EPHA6: variants seen among roughly 807,000 people sequenced by gnomAD.
EPHA6 encodes ephrin type-A receptor 6.
In EPHA6, 50 loss-of-function variants were observed where a neutral mutation model predicts 112.0. The observed-to-expected ratio is 0.45, with a 90% CI of 0.36 to 0.56. The LOEUF is 0.56. Among genes scored for constraint, EPHA6 ranks in the 20% least tolerant of loss-of-function variants. The pLI, the probability that EPHA6 is intolerant of heterozygous loss-of-function variation, is 0.00. For missense variants in EPHA6, 1,280 were observed against 1,417.4 expected (o/e 0.90, Z 1.56); for synonymous variants, 529 against 490.7 (o/e 1.08, Z -1.03).
At chr3:97,292,771 G>A (rs1035017914) in intron 5 of EPHA6, among the ~76,000 whole-genome samples, 1 of 151,888 alleles carries the variant, frequency 6.6e-6, no homozygotes, top group African/African-American at 2.4e-5. Flanking sequence ...CAGTGGAGAG[G>A]AGACCCGTGG....
chr3:97,000,895 C>CA (rs941990212), intron 3 of EPHA6, among the ~76,000 whole-genome samples: 1 of 150,916 alleles, frequency 6.6e-6, no homozygotes, highest in African/African-American at 2.4e-5. Context: ...CTACAAAAGG[C>CA]AAGACATTTC....
chr3:97,132,922 C>G (rs529774765), intron 3 of EPHA6, among the ~76,000 whole-genome samples: 1 of 152,066 alleles, frequency 6.6e-6, no homozygotes, highest in Non-Finnish European at 1.5e-5. Flanking sequence ...ACAGTATTTG[C>G]CTTTGAGGAT....
intron 5 of EPHA6, among the ~76,000 whole-genome samples, chr3:97,393,883 T>C (rs1388856563): frequency 6.6e-6 from 1 of 151,822 alleles, no homozygotes; most frequent in Non-Finnish European, 1.5e-5. Context: ...GGTTCATGCA[T>C]GTTGTCACAA....
chr3:97,440,966 A>G (rs2090107123), intron 6 of EPHA6, among the ~76,000 whole-genome samples: 1 of 152,008 alleles, frequency 6.6e-6, no homozygotes, highest in Admixed American at 6.6e-5. Flanking sequence ...TAAGGAGAAG[A>G]TTTGAATATA....
intron 5 of EPHA6, among the ~76,000 whole-genome samples, chr3:97,278,780 G>T (rs2080186350): frequency 6.6e-6 from 1 of 151,870 alleles, no homozygotes; most frequent in Admixed American, 6.6e-5. Flanking sequence ...GTTTCTCTAG[G>T]CACCTGATTT....
intron 2 of EPHA6, among the ~76,000 whole-genome samples, chr3:96,869,917 G>A (rs1043227185): frequency 3.3e-5 from 5 of 151,906 alleles, no homozygotes; most frequent in Non-Finnish European, 2.9e-5. Context: ...CTGAATATTG[G>A]TTTTGAATAT....
chr3:97,586,293 A>G (rs2093487025), intron 11 of EPHA6, among the ~76,000 whole-genome samples: 1 of 152,154 alleles, frequency 6.6e-6, no homozygotes, highest in African/African-American at 2.4e-5. Context: ...TCTGCCCAAG[A>G]CTGCATGTTT....
intron 11 of EPHA6, among the ~76,000 whole-genome samples, chr3:97,545,050 G>A (rs1169340479): frequency 6.6e-6 from 1 of 151,986 alleles, no homozygotes; most frequent in Non-Finnish European, 1.5e-5. Context: ...GGGTTTTTTT[G>A]TGTCTCTATT....
At chr3:97,572,779 G>A (rs2107234337) in intron 11 of EPHA6, 1 of 152,240 alleles carries the variant, frequency 6.6e-6, no homozygotes, top group South Asian at 2.1e-4. Flanking sequence ...CAGATAGTAT[G>A]TTATACCTTT....
At chr3:96,818,718 T>G (rs2033010691) in intron 1 of EPHA6, among the ~76,000 whole-genome samples, 1 of 151,900 alleles carries the variant, frequency 6.6e-6, no homozygotes, top group Non-Finnish European at 1.5e-5. Context: ...TTTTTAAAGA[T>G]TTTTCAAAAG....
At chr3:97,327,592 C>T (rs868433521) in intron 5 of EPHA6, among the ~76,000 whole-genome samples, 12 of 151,806 alleles carry the variant, frequency 7.9e-5, no homozygotes, top group Non-Finnish European at 1.2e-4. Flanking sequence ...AAGATCCCCC[C>T]ACGTTGCTTT....
intron 5 of EPHA6, among the ~76,000 whole-genome samples, chr3:97,277,075 A>G (rs2080111445): frequency 6.6e-6 from 1 of 152,178 alleles, no homozygotes; most frequent in Non-Finnish European, 1.5e-5. Flanking sequence ...GGGTCTGTAG[A>G]AAAGGAAGAA....
chr3:97,720,024 G>A (rs2034455133), intron 14 of EPHA6, among the ~76,000 whole-genome samples: 1 of 152,150 alleles, frequency 6.6e-6, no homozygotes, highest in African/African-American at 2.4e-5. Flanking sequence ...TCTAATGAAT[G>A]AAATAAAATA....
intron 3 of EPHA6, among the ~76,000 whole-genome samples, chr3:97,114,132 G>A (rs181069673): frequency 1.3e-5 from 2 of 152,150 alleles, no homozygotes; most frequent in East Asian, 3.9e-4. Flanking sequence ...GTATCACAGA[G>A]GAGCCCCTTG....
chr3:97,129,547 G>A (rs910499836), intron 3 of EPHA6, among the ~76,000 whole-genome samples: 1 of 151,522 alleles, frequency 6.6e-6, no homozygotes, highest in Admixed American at 6.6e-5. Flanking sequence ...AAAAAGTACA[G>A]TGGTAAATTC....
At chr3:97,530,751 A>G (rs1384732775) in intron 10 of EPHA6, among the ~76,000 whole-genome samples, 1 of 151,968 alleles carries the variant, frequency 6.6e-6, no homozygotes, top group African/African-American at 2.4e-5. Flanking sequence ...ATCTTGTTAG[A>G]CTGCTTTCTA....
intron 10 of EPHA6, among the ~76,000 whole-genome samples, chr3:97,490,005 T>G (rs1231969594): frequency 1.3e-5 from 2 of 152,090 alleles, no homozygotes; most frequent in Non-Finnish European, 2.9e-5. Context: ...TAGTACACAT[T>G]TTCTATCTTA....
At chr3:96,831,257 C>T (rs7629029) in intron 1 of EPHA6, among the ~76,000 whole-genome samples, 3,434 of 152,108 alleles carry the variant, frequency 0.023, 134 homozygotes, top group African/African-American at 0.079. Flanking sequence ...TATGTTTAAA[C>T]TGTGTGCTAA....
chr3:97,721,079 G>T (rs2034505968), intron 15 of EPHA6, among the ~76,000 whole-genome samples: 1 of 152,106 alleles, frequency 6.6e-6, no homozygotes, highest in Admixed American at 6.5e-5. Context: ...TATATTTTAA[G>T]TTCCCACTTC....
Sources: gnomAD v4.1 joint callset for allele counts (sites outside exome capture counted in the v4.1 genomes callset) on GRCh38, gnomAD v4.1.1 for gene constraint, MANE v1.5 for transcripts, NCBI Gene and HGNC (gene_info 2026-07-23, HGNC 2026-07-21) for gene names.